The following SLC25A40 variants were observed in gnomAD, a reference collection of about 807,000 sequenced individuals.
SLC25A40 encodes solute carrier family 25 member 40.
In SLC25A40, 41 loss-of-function variants were observed where a neutral mutation model predicts 46.5. That is an observed-to-expected ratio of 0.88 (90% CI 0.69 to 1.14). The LOEUF is 1.14. Ranked by LOEUF, SLC25A40 falls within the 50% of genes most tolerant of loss-of-function variation. SLC25A40 has a pLI of 0.00. For missense variants in SLC25A40, 386 were observed against 393.6 expected (o/e 0.98, Z 0.16); for synonymous variants, 126 against 127.5 (o/e 0.99, Z 0.08).
intron 9 of SLC25A40, 146 bp from the exon 10 acceptor site, chr7:87,841,860 T>TTTCATTAAA (rs1424172590): frequency 5.1e-6 from 2 of 390,138 alleles, no homozygotes; most frequent in African/African-American, 4.2e-5. Flanking sequence ...ATTTTTAAGT[T>TTTCATTAAA]TTCATTAAAG....
rs185621081 is a variant in SLC25A40, at chr7:87,860,651, G to A, written c.-93-11C>T. 3 of 152,118 alleles carry A rather than the reference G, an allele frequency of 2.0e-5. No individual in the cohort carries two copies. The highest frequency in any genetic ancestry group is 7.2e-5 in the African/African-American group (3 of 41,522). 9.4% of individuals were successfully genotyped at this position (152,118 alleles called of 1,614,324 possible). A position where few individuals can be genotyped will look rare whatever the true frequency, so the allele number is the denominator to read the frequency against. On this transcript the variant is annotated splice_polypyrimidine_tract_variant and intron_variant, in intron 1 of 11. Transcript: ENST00000341119. Reference sequence around the variant, plus strand: ...TCAGTAGCCAAAAACCTGTAATTAAGAAGAAAGTAATTGTCTTATCTTTTC... The same window carrying A: ...TCAGTAGCCAAAAACCTGTAATTAAAAAGAAAGTAATTGTCTTATCTTTTC...
rs746249437 is a variant in SLC25A40 at position 87,873,139 on chromosome 7, T to C, written c.-94+2957A>G. 3.0e-4 allele frequency among the ~76,000 whole-genome samples: 45 copies of C among 152,162 alleles called. 1 individual carries two copies. The highest frequency in any genetic ancestry group is 5.7e-4 in the Non-Finnish European group (39 of 68,036). ...CAAATGAATCAAACAGGAATGATTA[T>C]ACCCAAATGAGCAGGAGATAAAGGA... On this transcript the variant is annotated intron_variant, in intron 1 of 11. Transcript: ENST00000341119.
chr7:87,856,457 T>C, intron 3 of SLC25A40, 106 bp from the exon 4 acceptor site: 4 of 902,090 alleles, frequency 4.4e-6, no homozygotes, highest in South Asian at 4.0e-5. Flanking sequence ...CTCATGGCTA[T>C]ATAATTGGTA....
chr7:87,836,782 C>A lies in SLC25A40; in HGVS notation c.852G>T (p.Trp284Cys). Reference protein sequence around the residue: ...KISMPLHMSTWIIMKNIVAKN... With the variant: ...KISMPLHMSTCIIMKNIVAKN... ...TAGCAACAATGTTCTTCATTATAAT[C>A]CAGGTTGACATATGCAAAGGCATAG... The change falls in exon 11 of 12, where the codon TGG becomes TGT. Residue 284 changes from tryptophan to cysteine, a missense_variant. Trp to Cys is a radical substitution (Grantham distance 215). Transcript: ENST00000341119. 6.5e-7 allele frequency: 1 copy of A among 1,530,018 alleles called. No homozygotes were observed. The highest frequency in any genetic ancestry group is 8.7e-7 in the Non-Finnish European group (1 of 1,144,752). 94.8% of individuals were successfully genotyped at this position (1,530,018 alleles called of 1,614,324 possible).
chr7:87,866,027 G>A (rs1473922164), intron 1 of SLC25A40, among the ~76,000 whole-genome samples: 1 of 151,756 alleles, frequency 6.6e-6, no homozygotes, highest in African/African-American at 2.4e-5. Flanking sequence ...AGGTTTCAGT[G>A]AGCTGAGATC....
intron 11 of SLC25A40, 63 bp from the exon 12 acceptor site, chr7:87,836,424 TA>T (rs1183454105): frequency 5.6e-6 from 6 of 1,068,710 alleles, no homozygotes; most frequent in Non-Finnish European, 7.7e-6. Flanking sequence ...TTAAAAATAT[TA>T]TTTTTTGGCT....
intron 3 of SLC25A40, among the ~76,000 whole-genome samples, chr7:87,858,132 G>A (rs1838643400): frequency 6.6e-6 from 1 of 152,172 alleles, no homozygotes; most frequent in South Asian, 2.1e-4. Flanking sequence ...AGGTCAGACT[G>A]GATCTCTGCT....
intron 1 of SLC25A40, among the ~76,000 whole-genome samples, chr7:87,868,069 T>C (rs1031573702): frequency 6.6e-6 from 1 of 152,096 alleles, no homozygotes; most frequent in Non-Finnish European, 1.5e-5. Context: ...CCTTTTACTC[T>C]GCCTGCCCTG....
At chr7:87,846,337 AT>A (rs1838419978) in intron 8 of SLC25A40, among the ~76,000 whole-genome samples, 1 of 152,198 alleles carries the variant, frequency 6.6e-6, no homozygotes, top group Non-Finnish European at 1.5e-5. Context: ...TTCTCTCTAG[AT>A]AAGTATTTCT....
At chr7:87,841,488 C>T (rs558248924) in intron 10 of SLC25A40, 145 bp downstream of exon 10, 8 of 426,938 alleles carry the variant, frequency 1.9e-5, no homozygotes, top group African/African-American at 8.3e-5. Flanking sequence ...GTATTCCATT[C>T]TAACAGTATA....
At chr7:87,841,982 C>A (rs1043537227) in intron 9 of SLC25A40, 11 of 382,442 alleles carry the variant, frequency 2.9e-5, no homozygotes, top group Non-Finnish European at 5.1e-5. Flanking sequence ...TCCAACCAAG[C>A]CTCTCTGACT....
At chr7:87,857,641 CT>C (rs1232683789) in intron 3 of SLC25A40, among the ~76,000 whole-genome samples, 2 of 152,312 alleles carry the variant, frequency 1.3e-5, no homozygotes, top group East Asian at 3.9e-4. Context: ...TTTCTTACCC[CT>C]GTCTTACTTT....
At chr7:87,871,560 T>C (rs1838895802) in intron 1 of SLC25A40, among the ~76,000 whole-genome samples, 1 of 152,254 alleles carries the variant, frequency 6.6e-6, no homozygotes, top group African/African-American at 2.4e-5. Flanking sequence ...TAATTTGTTA[T>C]ACAGCAACAG....
chr7:87,873,786 G>A (rs1023960835), intron 1 of SLC25A40, among the ~76,000 whole-genome samples: 5 of 152,118 alleles, frequency 3.3e-5, no homozygotes, highest in Non-Finnish European at 5.9e-5. Context: ...GGCCAGCAAT[G>A]AATAAAATTC....
chr7:87,864,154 T>A (rs1838751258), intron 1 of SLC25A40, among the ~76,000 whole-genome samples: 1 of 152,252 alleles, frequency 6.6e-6, no homozygotes, highest in Admixed American at 6.5e-5. Context: ...ACTGAGAGTG[T>A]GTTACTGAAG....
intron 1 of SLC25A40, among the ~76,000 whole-genome samples, chr7:87,869,791 ATC>A: frequency 6.6e-6 from 1 of 152,352 alleles, no homozygotes; most frequent in East Asian, 1.9e-4. Flanking sequence ...AACTATGATT[ATC>A]TGTTTAAATC....
At chr7:87,851,351 G>A (rs1838506333) in intron 5 of SLC25A40, among the ~76,000 whole-genome samples, 1 of 152,088 alleles carries the variant, frequency 6.6e-6, no homozygotes, top group Non-Finnish European at 1.5e-5. Context: ...CCAGCTACGG[G>A]AACCCTAGTA....
chr7:87,834,338 AATTATT>A lies in SLC25A40; in HGVS notation c.*1905_*1910del, dbSNP rs1838231128. 6.6e-6 allele frequency: 1 copy of A among 151,834 alleles called. No homozygotes were observed. Among genetic ancestry groups the A allele is most frequent in the Non-Finnish European group, 1.5e-5 (1 of 67,778 alleles). 9.4% of individuals were successfully genotyped at this position (151,834 alleles called of 1,614,324 possible). On this transcript the variant is annotated 3_prime_UTR_variant, in exon 12 of 12. Coordinates refer to ENST00000341119, the MANE Select transcript of SLC25A40 (RefSeq NM_018843.4). The stretch of plus-strand genomic sequence containing the variant: ...TTTTTCTAGGTACTATTTTAATACA[AATTATT>A]ATTATAGCAAAATTCTGAACACTTT...
At chr7:87,867,074 C>T (rs1421867777) in intron 1 of SLC25A40, among the ~76,000 whole-genome samples, 5 of 152,244 alleles carry the variant, frequency 3.3e-5, no homozygotes, top group African/African-American at 9.6e-5. Flanking sequence ...GTTTTCCCAA[C>T]ATATGCCTTA....
Sources: gnomAD v4.1 joint callset for allele counts (sites outside exome capture counted in the v4.1 genomes callset) on GRCh38, gnomAD v4.1.1 for gene constraint, MANE v1.5 for transcripts, NCBI Gene and HGNC (gene_info 2026-07-23, HGNC 2026-07-21) for gene names.